The following ATP2C2 variants were observed in gnomAD, a reference collection of about 807,000 sequenced individuals.
ATP2C2 encodes calcium-transporting ATPase type 2C member 2.
A neutral mutation model predicts 110.8 loss-of-function variants in ATP2C2; 171 were observed. The ratio of observed to expected loss-of-function variants is 1.54; its 90% CI spans 1.36 to 1.75. The LOEUF (loss-of-function observed/expected upper bound fraction) is 1.75, where lower values mean the gene tolerates loss of function less well. Among genes scored for constraint, ATP2C2 ranks in the 40% most tolerant of loss-of-function variants. ATP2C2 has a pLI of 0.00. For missense variants in ATP2C2, 1,963 were observed against 1,235.0 expected, an observed-to-expected ratio of 1.59 and a Z score of -8.84; for synonymous variants, 804 against 508.4, an observed-to-expected ratio of 1.58 and a Z score of -7.82.
At chr16:84,402,725 G>C (rs1272120952) in intron 2 of ATP2C2, among the ~76,000 whole-genome samples, 3 of 152,150 alleles carry the variant, frequency 2.0e-5, no homozygotes, top group Non-Finnish European at 2.9e-5. Flanking sequence ...TGCATCAATA[G>C]TCATCAGTGA....
chr16:84,420,925 C>A (rs1199849462), intron 7 of ATP2C2, among the ~76,000 whole-genome samples: 2 of 152,152 alleles, frequency 1.3e-5, no homozygotes, highest in Non-Finnish European at 2.9e-5. Flanking sequence ...CCTGCCTCAG[C>A]CTCCTGAGTA....
chr16:84,413,652 C>T (rs778429347), intron 6 of ATP2C2, among the ~76,000 whole-genome samples: 2 of 152,120 alleles, frequency 1.3e-5, no homozygotes, highest in Non-Finnish European at 2.9e-5. Context: ...CCCGGGAGGT[C>T]ACTTCTAAAA....
chr16:84,414,614 C>G (rs1448549665), intron 6 of ATP2C2, among the ~76,000 whole-genome samples: 1 of 152,144 alleles, frequency 6.6e-6, no homozygotes, highest in African/African-American at 2.4e-5. Context: ...CAGGCATGAC[C>G]CACTCCCCAG....
chr16:84,461,350 C>A, intron 24 of ATP2C2: 1 of 354,362 alleles, frequency 2.8e-6, no homozygotes, highest in African/African-American at 2.1e-5. Context: ...TTCCCTCCAG[C>A]TCTCCCTCTA....
In ATP2C2 at chr16:84,463,646, G is replaced by A. The variant is rs750681653; in HGVS notation, c.2755G>A (p.Val919Ile). The change falls in exon 27 of 27, where the codon GTC becomes ATC. Residue 919 changes from valine (V) to isoleucine (I), a missense_variant. By Grantham distance (29) the Val-to-Ile change is conservative. Transcript: ENST00000262429. ...GTTTTTAACTGGATTGGCCTCATCC[G>A]TCTTCATTTTGTCAGAGCTCCTCAA... ...LLFLTGLASS[V>I]FILSELLKLC... 48 of 1,614,176 alleles carry A rather than the reference G, an allele frequency of 3.0e-5. No homozygotes were observed. The highest frequency in any genetic ancestry group is 9.3e-5 in the African/African-American group (7 of 75,044).
chr16:84,440,952 A>C lies in ATP2C2; in HGVS notation c.1305A>C (p.Leu435Phe). 2 of 1,610,482 alleles carry C rather than the reference A, an allele frequency of 1.2e-6. No individual in the cohort carries two copies. The highest frequency in any genetic ancestry group is 1.7e-6 in the Non-Finnish European group (2 of 1,177,880). ...TTTCCAATGTCTCAGTGGGAAAGTT[A>C]GTGGAGGTAGGTGTCAAAAGCGCCA... ...KEFSNVSVGKLVEAGCVANNA... is the reference protein window; with the variant it reads ...KEFSNVSVGKFVEAGCVANNA... The change falls in exon 14 of 27, where the codon TTA (leucine) becomes TTC (phenylalanine). Residue 435 changes from leucine (L) to phenylalanine (F), a missense_variant. Physicochemically the swap from Leu to Phe is conservative, Grantham distance 22. Coordinates refer to ENST00000262429, the MANE Select transcript of ATP2C2 (RefSeq NM_014861.4).
In ATP2C2 at chr16:84,398,543, G is replaced by C. The variant is rs1197341750; in HGVS notation, c.144G>C (p.Lys48Asn). The part of the protein sequence containing the change: ...SELKAIEKEK[K>N]VTALPPKEAC... ...TGAAAGCCATCGAGAAAGAGAAGAA[G>C]GTGACAGCCCTGCCCCCCAAGGAAG... Residue 48 changes from lysine to asparagine, a missense_variant, in exon 2 of 27, where the codon AAG becomes AAC. Transcript: ENST00000262429. 6.2e-7 allele frequency: 1 copy of C among 1,613,676 alleles called. No homozygotes were observed. The highest frequency in any genetic ancestry group is 2.2e-5 in the East Asian group (1 of 44,866).
chr16:84,435,388 A>C (rs1908646495), intron 11 of ATP2C2, among the ~76,000 whole-genome samples: 1 of 152,178 alleles, frequency 6.6e-6, no homozygotes, highest in South Asian at 2.1e-4. Context: ...ATGGATTCTC[A>C]CCAGGTGTTC....
intron 1 of ATP2C2, among the ~76,000 whole-genome samples, chr16:84,390,217 CCCGGGGCTGGACGGGAGGGCGCCACA>C (rs1904569258): frequency 6.6e-6 from 1 of 152,238 alleles, no homozygotes; most frequent in Non-Finnish European, 1.5e-5. Context: ...TGAACCGAAT[CCCGGGGCTGGACGGGAGGGCGCCACA>C]GCGGGGCTGG....
intron 7 of ATP2C2, 42 bp downstream of exon 7, chr16:84,415,633 G>A (rs1234687012): frequency 1.3e-6 from 2 of 1,522,416 alleles, no homozygotes; most frequent in Admixed American, 1.8e-5. Flanking sequence ...ATTTGATGGA[G>A]CTGGTCAAGG....
chr16:84,433,522 G>A (rs930787381), intron 11 of ATP2C2, among the ~76,000 whole-genome samples: 18 of 151,958 alleles, frequency 1.2e-4, no homozygotes, highest in African/African-American at 3.6e-4. Context: ...GCATGGTGGC[G>A]TATGCCTGTA....
At chr16:84,394,001 C>T (rs931079905) in intron 1 of ATP2C2, among the ~76,000 whole-genome samples, 2 of 124,924 alleles carry the variant, frequency 1.6e-5, no homozygotes, top group Admixed American at 7.6e-5. Context: ...ATTAAAAATA[C>T]CAAAAAAAAT....
intron 15 of ATP2C2, 69 bp downstream of exon 15, chr16:84,442,668 A>T (rs1909380748): frequency 6.8e-7 from 1 of 1,470,526 alleles, no homozygotes; most frequent in African/African-American, 1.4e-5. Context: ...GTAGAAAGCC[A>T]GCTCCTGTCT....
rs185377630 is a variant in ATP2C2 at position 84,447,790 on chromosome 16, T to G, written c.1504-743T>G. ...ATAATATAATGTAATATAATACATA[T>G]AAATAATATACAATACATATGTACT... is the stretch of plus-strand genomic sequence containing the variant. On this transcript the variant is annotated intron_variant, in intron 16 of 26. Coordinates refer to ENST00000262429, the MANE Select transcript of ATP2C2 (RefSeq NM_014861.4). 3.9e-3 allele frequency among the ~76,000 whole-genome samples: 562 copies of G among 144,558 alleles called. 3 individuals carry two copies. The highest frequency in any genetic ancestry group is 7.2e-3 in the Middle Eastern group (2 of 278). 94.8% of individuals were successfully genotyped at this position (144,558 alleles called of 152,430 possible).
chr16:84,449,869 C>A (rs1233667014), intron 17 of ATP2C2, among the ~76,000 whole-genome samples: 1 of 152,240 alleles, frequency 6.6e-6, no homozygotes, highest in Non-Finnish European at 1.5e-5. Context: ...AAGTAAACAT[C>A]CCACGTGGCA....
chr16:84,400,535 G>C (rs1905254985), intron 2 of ATP2C2, among the ~76,000 whole-genome samples: 1 of 152,072 alleles, frequency 6.6e-6, no homozygotes, highest in Non-Finnish European at 1.5e-5. Flanking sequence ...CACCGTGTTA[G>C]CCAGGATGGT....
intron 16 of ATP2C2, among the ~76,000 whole-genome samples, chr16:84,447,497 G>A (rs1042738189): frequency 3.3e-5 from 5 of 151,222 alleles, no homozygotes; most frequent in Non-Finnish European, 7.4e-5. Context: ...TTTTAAATAT[G>A]CAAACGACAA....
chr16:84,441,033 A>C (rs1471705858), intron 14 of ATP2C2, 75 bp downstream of exon 14: 5 of 1,251,774 alleles, frequency 4.0e-6, no homozygotes, highest in Non-Finnish European at 5.8e-6. Context: ...GAAAAGGGAA[A>C]CAGCCATTGA....
At chr16:84,383,760 T>TGTGTGTGTGTGTGTGTGTGTGTGTGTG (rs1246366949) in intron 1 of ATP2C2, among the ~76,000 whole-genome samples, 1 of 146,290 alleles carries the variant, frequency 6.8e-6, no homozygotes. Flanking sequence ...TATGTGTGTG[T>TGTGTGTGTGTGTGTGTGTGTGTGTGTG]TGGGGGTGGG....
Sources: allele counts gnomAD v4.1 joint callset (sites outside exome capture counted in the v4.1 genomes callset), GRCh38; gene constraint gnomAD v4.1.1; transcripts MANE v1.5; gene names NCBI Gene and HGNC (gene_info 2026-07-23, HGNC 2026-07-21).